The following ATE1 variants were observed in gnomAD, a reference collection of about 807,000 sequenced individuals.
The protein encoded by ATE1 is arginyl-tRNA--protein transferase 1.
Under a neutral mutation model 70.5 loss-of-function variants are expected in ATE1, and 36 were observed. The ratio of observed to expected loss-of-function variants is 0.51; its 90% confidence interval spans 0.39 to 0.67. ATE1 has a LOEUF of 0.67. Ranked by LOEUF, ATE1 falls within the 30% of genes least tolerant of loss-of-function variation. The pLI, the probability that ATE1 is intolerant of heterozygous loss-of-function variation, is 0.00. For missense variants in ATE1, 593 were observed against 629.5 expected (o/e 0.94, Z 0.62); for synonymous variants, 232 against 219.3 (o/e 1.06, Z -0.51).
rs755775322 is a variant in ATE1, at chr10:121,750,125, C to T, written c.1379-6267G>A. Among the ~76,000 whole-genome samples, 33 of 152,130 alleles carry T rather than the reference C, an allele frequency of 2.2e-4. 1 individual carries two copies. The highest frequency in any genetic ancestry group is 3.2e-3 in the Middle Eastern group (1 of 316). On this transcript the variant is annotated intron_variant, in intron 11 of 11. Transcript: ENST00000224652. ...ATATACTAAAGGAAAAAAGGTACTC[C>T]AAATCCTTACAAAACCCCTTTATAA...
chr10:121,781,049 A>T (rs1319364508), intron 11 of ATE1, among the ~76,000 whole-genome samples: 1 of 152,170 alleles, frequency 6.6e-6, no homozygotes, highest in African/African-American at 2.4e-5. Context: ...TTTCAAATTA[A>T]GCTAGCTTTT....
intron 11 of ATE1, among the ~76,000 whole-genome samples, chr10:121,765,521 T>C (rs558076340): frequency 4.4e-4 from 67 of 152,330 alleles, no homozygotes; most frequent in Admixed American, 2.0e-3. Flanking sequence ...CCGCATCATA[T>C]ATTCAGACAT....
intron 9 of ATE1, among the ~76,000 whole-genome samples, chr10:121,837,572 T>A (rs1292549666): frequency 2.6e-5 from 4 of 152,208 alleles, no homozygotes; most frequent in African/African-American, 4.8e-5. Context: ...TTTGTTTTTA[T>A]GTTTGTTTCT....
chr10:121,763,832 G>A (rs1945160776), intron 11 of ATE1, among the ~76,000 whole-genome samples: 1 of 152,096 alleles, frequency 6.6e-6, no homozygotes, highest in African/African-American at 2.4e-5. Context: ...TGGCCAACAT[G>A]GAGAAACCTC....
rs117061570 is a variant in ATE1, at chr10:121,798,677, A to G, written c.1258-8388T>C. 8.3e-3 allele frequency among the ~76,000 whole-genome samples: 1,258 copies of G among 152,320 alleles called. 8 individuals carry two copies. The highest frequency in any genetic ancestry group is 0.013 in the Non-Finnish European group (892 of 68,028). ...CACTTTGGGAGGCAGAAATGGGTGG[A>G]TTACTTGAGGTCAGGAATTCGAGAT... On this transcript the variant is annotated intron_variant, in intron 10 of 11. Coordinates refer to ENST00000224652, the MANE Select transcript of ATE1 (RefSeq NM_001001976.3).
intron 10 of ATE1, among the ~76,000 whole-genome samples, chr10:121,795,085 T>A (rs2133322795): frequency 6.6e-6 from 1 of 151,992 alleles, no homozygotes; most frequent in Non-Finnish European, 1.5e-5. Context: ...CCATCTCTAC[T>A]AAAAATATAA....
intron 10 of ATE1, among the ~76,000 whole-genome samples, chr10:121,829,432 A>AG (rs1948149135): frequency 4.2e-5 from 6 of 142,682 alleles, no homozygotes; most frequent in African/African-American, 1.5e-4. Context: ...CAAAAAGAAA[A>AG]CAAAAAAAAA....
At chr10:121,751,894 G>A (rs554132541) in intron 11 of ATE1, among the ~76,000 whole-genome samples, 2 of 152,200 alleles carry the variant, frequency 1.3e-5, no homozygotes, top group East Asian at 3.9e-4. Flanking sequence ...GCAAGGTGAT[G>A]AAGATTTACT....
At chr10:121,807,630 T>C (rs1435497467) in intron 10 of ATE1, among the ~76,000 whole-genome samples, 1 of 152,334 alleles carries the variant, frequency 6.6e-6, no homozygotes, top group East Asian at 1.9e-4. Flanking sequence ...AGATATTCAA[T>C]AAATTAATTT....
intron 7 of ATE1, among the ~76,000 whole-genome samples, chr10:121,891,554 G>A (rs996287588): frequency 1.3e-5 from 2 of 152,104 alleles, no homozygotes; most frequent in African/African-American, 4.8e-5. Flanking sequence ...TTTTATTAAA[G>A]GAAAATTCCA....
intron 11 of ATE1, among the ~76,000 whole-genome samples, chr10:121,779,620 T>C (rs1364265552): frequency 6.1e-5 from 2 of 32,980 alleles, no homozygotes; most frequent in Non-Finnish European, 1.9e-4. Flanking sequence ...TGTTTTCATC[T>C]TTCTTGTAGA....
intron 11 of ATE1, among the ~76,000 whole-genome samples, chr10:121,749,410 A>G (rs1007651435): frequency 2.6e-5 from 4 of 152,178 alleles, no homozygotes; most frequent in Non-Finnish European, 5.9e-5. Context: ...AAAACCCTTT[A>G]ATTGTAACTC....
At chr10:121,752,009 G>A (rs1376139330) in intron 11 of ATE1, among the ~76,000 whole-genome samples, 1 of 151,426 alleles carries the variant, frequency 6.6e-6, no homozygotes, top group Non-Finnish European at 1.5e-5. Flanking sequence ...CTGGCTAACA[G>A]GGTGAAACCC....
chr10:121,926,798 G>A (rs1227345463), intron 1 of ATE1: 1 of 985,260 alleles, frequency 1.0e-6, no homozygotes, highest in African/African-American at 1.7e-5. Context: ...TGTCGCATAA[G>A]CCATTTGCAT....
chr10:121,778,104 T>C (rs77376812), intron 11 of ATE1, among the ~76,000 whole-genome samples: 2,488 of 152,336 alleles, frequency 0.016, 32 homozygotes, highest in African/African-American at 0.037. Flanking sequence ...GGAATCATCT[T>C]TCCTGCAAAG....
At chr10:121,844,098 C>G (rs1948727747) in intron 8 of ATE1, among the ~76,000 whole-genome samples, 1 of 152,148 alleles carries the variant, frequency 6.6e-6, no homozygotes, top group African/African-American at 2.4e-5. Context: ...ACAAACTACC[C>G]AATTAAAAAG....
chr10:121,884,588 TCAAA>T (rs1221553626), intron 7 of ATE1, among the ~76,000 whole-genome samples: 2 of 151,582 alleles, frequency 1.3e-5, no homozygotes, highest in African/African-American at 2.4e-5. Flanking sequence ...AGAGCCTATG[TCAAA>T]CAATGAAAAA....
At chr10:121,796,011 T>A (rs947310584) in intron 10 of ATE1, among the ~76,000 whole-genome samples, 1 of 152,212 alleles carries the variant, frequency 6.6e-6, no homozygotes, top group African/African-American at 2.4e-5. Flanking sequence ...GGGTGCTGAC[T>A]TTTTGTAAAT....
chr10:121,753,957 G>C (rs1309325001), intron 11 of ATE1, among the ~76,000 whole-genome samples: 1 of 152,120 alleles, frequency 6.6e-6, no homozygotes, highest in Non-Finnish European at 1.5e-5. Context: ...ACATACAAGG[G>C]AACTGAGCAT....
Sources: gnomAD v4.1 joint callset for allele counts (sites outside exome capture counted in the v4.1 genomes callset) on GRCh38, gnomAD v4.1.1 for gene constraint, MANE v1.5 for transcripts, NCBI Gene and HGNC (gene_info 2026-07-23, HGNC 2026-07-21) for gene names.